RABEP1: variants seen among roughly 807,000 people sequenced by gnomAD.
The protein encoded by RABEP1 is rab GTPase-binding effector protein 1.
Under a neutral mutation model 123.4 loss-of-function variants are expected in RABEP1, and 51 were observed. That is an observed-to-expected ratio of 0.41 (90% CI 0.33 to 0.52). RABEP1 has a LOEUF of 0.52. RABEP1 is among the 20% of genes least tolerant of loss of function. The pLI, the probability that RABEP1 is intolerant of heterozygous loss-of-function variation, is 0.16. For synonymous variants in RABEP1, 347 were observed against 355.2 expected, an observed-to-expected ratio of 0.98 and a Z score of 0.26; for missense variants, 888 against 996.3, an observed-to-expected ratio of 0.89 and a Z score of 1.46.
At chr17:5,327,007 A>T (rs1906043108) in intron 2 of RABEP1, among the ~76,000 whole-genome samples, 1 of 152,208 alleles carries the variant, frequency 6.6e-6, no homozygotes, top group Non-Finnish European at 1.5e-5. Flanking sequence ...ACGTTACTGT[A>T]CTGAATGCTG....
intron 2 of RABEP1, among the ~76,000 whole-genome samples, chr17:5,328,488 A>G (rs1906184732): frequency 6.6e-6 from 1 of 151,616 alleles, no homozygotes; most frequent in African/African-American, 2.4e-5. Context: ...CTACAAAAAA[A>G]TACAAAAATT....
intron 2 of RABEP1, among the ~76,000 whole-genome samples, chr17:5,325,720 G>GAA (rs199611553): frequency 6.8e-6 from 1 of 146,696 alleles, no homozygotes; most frequent in African/African-American, 2.5e-5. Context: ...TGGGATGAAA[G>GAA]AAAAAAAAAA....
At chr17:5,318,211 A>G (rs911246209) in intron 2 of RABEP1, among the ~76,000 whole-genome samples, 3 of 152,206 alleles carry the variant, frequency 2.0e-5, no homozygotes, top group African/African-American at 4.8e-5. Flanking sequence ...GAAGCTTACA[A>G]TTGATATCAG....
At chr17:5,290,934 G>T (rs779416223) in intron 1 of RABEP1, among the ~76,000 whole-genome samples, 1 of 152,104 alleles carries the variant, frequency 6.6e-6, no homozygotes, top group Non-Finnish European at 1.5e-5. Context: ...TTCTTTAAAG[G>T]TAGTATTAAC....
intron 6 of RABEP1, among the ~76,000 whole-genome samples, chr17:5,347,216 C>G (rs1176158639): frequency 6.6e-6 from 1 of 152,096 alleles, no homozygotes; most frequent in Non-Finnish European, 1.5e-5. Flanking sequence ...TTGAGACCAG[C>G]CTGGCCAACA....
chr17:5,327,366 CA>C (rs936313054), intron 2 of RABEP1, among the ~76,000 whole-genome samples: 9 of 151,012 alleles, frequency 6.0e-5, no homozygotes, highest in Non-Finnish European at 1.2e-4. Flanking sequence ...AAAAAAACCC[CA>C]AAAAACAAAC....
chr17:5,290,584 A>T (rs751024026), intron 1 of RABEP1, among the ~76,000 whole-genome samples: 4 of 152,070 alleles, frequency 2.6e-5, no homozygotes, highest in Non-Finnish European at 5.9e-5. Flanking sequence ...ATGTTAATTT[A>T]AATAATAATA....
intron 5 of RABEP1, among the ~76,000 whole-genome samples, chr17:5,344,892 G>A (rs549746531): frequency 1.3e-5 from 2 of 152,106 alleles, no homozygotes; most frequent in East Asian, 1.9e-4. Context: ...AGGAGCCAGA[G>A]GTTGACGTTG....
At chr17:5,309,751 T>G (rs1049828225) in intron 2 of RABEP1, among the ~76,000 whole-genome samples, 8 of 152,164 alleles carry the variant, frequency 5.3e-5, no homozygotes, top group African/African-American at 1.9e-4. Flanking sequence ...GGGGCTTACC[T>G]TCTGAGTATC....
intron 1 of RABEP1, among the ~76,000 whole-genome samples, chr17:5,288,705 C>T (rs1050398624): frequency 1.4e-5 from 2 of 146,778 alleles, no homozygotes; most frequent in African/African-American, 5.1e-5. Flanking sequence ...TATTTTATTT[C>T]TTTTCTTTAT....
intron 2 of RABEP1, among the ~76,000 whole-genome samples, chr17:5,317,015 C>T (rs1469838845): frequency 1.3e-5 from 2 of 151,966 alleles, no homozygotes; most frequent in Admixed American, 6.6e-5. Context: ...GTCGATTCTC[C>T]TGCCCTAGCC....
At position 5,377,275 on chromosome 17, in the gene RABEP1, C is replaced by A. The variant is rs372943290; in HGVS notation, c.2185C>A (p.Leu729Ile). 7 of 1,587,190 alleles carry A rather than the reference C, an allele frequency of 4.4e-6. No individual in the cohort carries two copies. In the African/African-American group the frequency reaches 8.3e-5, roughly 19 times the overall value. ...AGAAAATCTTGAAGAAACTCTGCAA[C>A]TAGAAATAGAAAACTGCAAGGAGGA... ...LKENLEETLQ[L>I]EIENCKEEIA... The change falls in exon 14 of 18, where the codon CTA (leucine) becomes ATA (isoleucine). Residue 729 changes from leucine (L) to isoleucine (I), a missense_variant. Coordinates refer to ENST00000537505, the MANE Select transcript of RABEP1 (RefSeq NM_004703.6).
chr17:5,297,847 C>A (rs922164222), intron 1 of RABEP1, among the ~76,000 whole-genome samples: 1 of 152,168 alleles, frequency 6.6e-6, no homozygotes, highest in Non-Finnish European at 1.5e-5. Context: ...TGCTCTATGG[C>A]TTCTCATATA....
rs770238711 is a variant in RABEP1 at position 5,377,339 on chromosome 17, G to C, written c.2215+34G>C. On this transcript the variant is annotated intron_variant, in intron 14 of 17. Transcript: ENST00000537505. ...AAAAGTGATGTAGTTTAGAATTAGAGTCACTAAATAAAACTTTAGTAAAAG... is the reference window on the plus strand; with the variant it reads ...AAAAGTGATGTAGTTTAGAATTAGACTCACTAAATAAAACTTTAGTAAAAG... 4.6e-6 allele frequency: 7 copies of C among 1,523,592 alleles called. No individual in the cohort carries two copies. The South Asian group carries it at 8.9e-5, about 19-fold the overall frequency. 94.4% of individuals were successfully genotyped at this position (1,523,592 alleles called of 1,614,324 possible).
At chr17:5,320,439 A>AG (rs1555520171) in intron 2 of RABEP1, among the ~76,000 whole-genome samples, 3 of 129,014 alleles carry the variant, frequency 2.3e-5, no homozygotes, top group East Asian at 2.4e-4. Flanking sequence ...AAAAAAAAAA[A>AG]AAAAAGAAAA....
intron 17 of RABEP1, 179 bp downstream of exon 17, chr17:5,381,684 G>T: frequency 8.8e-7 from 1 of 1,139,322 alleles, no homozygotes; most frequent in Non-Finnish European, 1.1e-6. Flanking sequence ...CTTCACACTT[G>T]GCCCATTTTT....
intron 1 of RABEP1, among the ~76,000 whole-genome samples, chr17:5,299,709 TTTTTC>T (rs1265555538): frequency 7.3e-6 from 1 of 137,796 alleles, no homozygotes; most frequent in Non-Finnish European, 1.5e-5. Flanking sequence ...TCTTTTTCTT[TTTTTC>T]TTTTCTTTTT....
intron 5 of RABEP1, among the ~76,000 whole-genome samples, chr17:5,346,455 TG>T (rs1180133699): frequency 6.6e-6 from 1 of 152,214 alleles, no homozygotes; most frequent in Non-Finnish European, 1.5e-5. Flanking sequence ...AAAACATACC[TG>T]GTGTTACTGT....
At chr17:5,369,868 T>C (rs967933632) in intron 12 of RABEP1, among the ~76,000 whole-genome samples, 4 of 152,018 alleles carry the variant, frequency 2.6e-5, no homozygotes. Flanking sequence ...ACCCGGCTAA[T>C]TTTGTATTTT....
Sources: allele counts gnomAD v4.1 joint callset (sites outside exome capture counted in the v4.1 genomes callset), GRCh38; gene constraint gnomAD v4.1.1; transcripts MANE v1.5; gene names NCBI Gene and HGNC (gene_info 2026-07-23, HGNC 2026-07-21).